Variants in PLD5 observed in about 807,000 individuals in gnomAD.
The protein encoded by PLD5 is phospholipase D family member 5.
In PLD5, 36 loss-of-function variants were observed where a neutral mutation model predicts 61.1. The ratio of observed to expected loss-of-function variants is 0.59; its 90% CI spans 0.45 to 0.78. The LOEUF is 0.78. Among genes scored for constraint, PLD5 ranks in the 30% least tolerant of loss-of-function variants. The pLI is 0.00. For missense variants in PLD5, 515 were observed against 644.4 expected (o/e 0.80, Z 2.17); for synonymous variants, 243 against 242.8 (o/e 1.00, Z -0.01).
chr1:242,172,473 GA>G (rs1182425586), intron 5 of PLD5, among the ~76,000 whole-genome samples: 3 of 152,144 alleles, frequency 2.0e-5, no homozygotes, highest in East Asian at 3.9e-4. Flanking sequence ...AAGAACTAGA[GA>G]AGCAAGAGCA....
intron 3 of PLD5, among the ~76,000 whole-genome samples, chr1:242,278,796 G>A (rs1674555034): frequency 6.6e-6 from 1 of 152,148 alleles, no homozygotes; most frequent in African/African-American, 2.4e-5. Flanking sequence ...GTTCAATAAA[G>A]GCACATTTAA....
At chr1:242,466,276 T>A (rs964375592) in intron 1 of PLD5, among the ~76,000 whole-genome samples, 2 of 152,154 alleles carry the variant, frequency 1.3e-5, no homozygotes, top group African/African-American at 4.8e-5. Context: ...ATCCTAGGTG[T>A]GTAGCGCTGG....
chr1:242,369,130 G>A (rs763522837), intron 1 of PLD5, among the ~76,000 whole-genome samples: 2 of 152,146 alleles, frequency 1.3e-5, no homozygotes, highest in Non-Finnish European at 2.9e-5. Flanking sequence ...GAGAATGTAG[G>A]ACTGTCAATA....
intron 1 of PLD5, among the ~76,000 whole-genome samples, chr1:242,384,222 A>G (rs1662466319): frequency 6.6e-6 from 1 of 152,210 alleles, no homozygotes; most frequent in South Asian, 2.1e-4. Context: ...AGTTAGAAGA[A>G]AACGCACCAT....
At chr1:242,120,098 A>G (rs186654312) in intron 6 of PLD5, among the ~76,000 whole-genome samples, 1 of 152,286 alleles carries the variant, frequency 6.6e-6, no homozygotes, top group African/African-American at 2.4e-5. Context: ...ATATGATTCC[A>G]TTTATATAAA....
rs77799861 is a variant in PLD5 at position 242,427,378 on chromosome 1, A to T, written c.190-79136T>A. ...CCTTGGTGCATTTCTTTATATTTTC[A>T]TCAGGAGTTGCATCATGTCTTCCAA... On this transcript the variant is annotated intron_variant, in intron 1 of 9. Coordinates refer to ENST00000536534, the MANE Select transcript of PLD5 (RefSeq NM_001372062.1). 1.8e-3 allele frequency among the ~76,000 whole-genome samples: 267 copies of T among 152,328 alleles called. 4 individuals are homozygous for T. The highest frequency in any genetic ancestry group is 6.0e-3 in the African/African-American group (248 of 41,578).
At chr1:242,331,961 C>T (rs921842357) in intron 2 of PLD5, among the ~76,000 whole-genome samples, 15 of 152,100 alleles carry the variant, frequency 9.9e-5, no homozygotes, top group East Asian at 5.8e-4. Context: ...TAGGTATACA[C>T]GTGCCATGGT....
rs760675048 is a variant in PLD5, at chr1:242,288,521, C to T, written c.336G>A (p.Leu112=). The T allele has an allele frequency of 6.3e-7, 1 of 1,585,120 alleles. No individual in the cohort carries two copies. The highest frequency in any genetic ancestry group is 8.5e-7 in the Non-Finnish European group (1 of 1,170,494). Residue 112 remains leucine (L), a synonymous_variant, in exon 3 of 10, where the codon CTG becomes CTA. Coordinates refer to ENST00000536534, the MANE Select transcript of PLD5 (RefSeq NM_001372062.1). The stretch of plus-strand genomic sequence containing the variant: ...TAAGGCCTTCAGGAATATTTTCCAC[C>T]AGGGCAATTCTTAGAAAAGATTTTG... ...KNCQNKCRIA[L]VENIPEGLNY...
chr1:242,190,864 C>T (rs74930350), intron 5 of PLD5, among the ~76,000 whole-genome samples: 3,803 of 152,164 alleles, frequency 0.025, 176 homozygotes, highest in African/African-American at 0.087. Context: ...GACAATCATG[C>T]ACTGCTGGAT....
At chr1:242,177,858 A>G (rs1667266668) in intron 5 of PLD5, 1 of 152,184 alleles carries the variant, frequency 6.6e-6, no homozygotes, top group Non-Finnish European at 1.5e-5. Context: ...ATCGCCTTCC[A>G]CAAGGTCTAC....
intron 5 of PLD5, among the ~76,000 whole-genome samples, chr1:242,161,399 AT>A (rs2148845708): frequency 6.6e-6 from 1 of 152,198 alleles, no homozygotes; most frequent in Admixed American, 6.5e-5. Flanking sequence ...ACAATATGAG[AT>A]TTGGGTGGGG....
At chr1:242,094,291 C>T (rs560742208) in intron 9 of PLD5, among the ~76,000 whole-genome samples, 13 of 152,190 alleles carry the variant, frequency 8.5e-5, no homozygotes, top group African/African-American at 1.7e-4. Flanking sequence ...TCCATCCACC[C>T]GCTACCCCCT....
intron 4 of PLD5, among the ~76,000 whole-genome samples, chr1:242,233,202 T>A (rs943257454): frequency 6.6e-6 from 1 of 151,514 alleles, no homozygotes; most frequent in Non-Finnish European, 1.5e-5. Context: ...AATAAAAGGC[T>A]TATTCATGTT....
intron 5 of PLD5, among the ~76,000 whole-genome samples, chr1:242,207,381 G>A (rs1325406834): frequency 2.6e-5 from 4 of 151,948 alleles, no homozygotes; most frequent in African/African-American, 2.4e-5. Context: ...ACAGGTCTTC[G>A]GTAGTTCCCC....
chr1:242,257,690 A>C (rs2149093001), intron 4 of PLD5, among the ~76,000 whole-genome samples: 1 of 152,376 alleles, frequency 6.6e-6, no homozygotes, highest in South Asian at 2.1e-4. Flanking sequence ...CAATGTACCC[A>C]TCCCACAATG....
intron 5 of PLD5, among the ~76,000 whole-genome samples, chr1:242,127,707 T>C (rs1380211202): frequency 1.3e-5 from 2 of 152,146 alleles, no homozygotes; most frequent in Non-Finnish European, 2.9e-5. Flanking sequence ...TTGGGTTCAA[T>C]GTACACTGCT....
chr1:242,236,622 G>A (rs1162452372), intron 4 of PLD5, among the ~76,000 whole-genome samples: 1 of 152,100 alleles, frequency 6.6e-6, no homozygotes, highest in Non-Finnish European at 1.5e-5. Context: ...TTTAAAGGGA[G>A]GTTTGCACCA....
chr1:242,336,925 C>T (rs1324696100), intron 2 of PLD5, among the ~76,000 whole-genome samples: 1 of 152,224 alleles, frequency 6.6e-6, no homozygotes, highest in East Asian at 1.9e-4. Context: ...ACAAGTTACA[C>T]ACTATCATCC....
intron 2 of PLD5, among the ~76,000 whole-genome samples, chr1:242,293,924 C>T (rs956064039): frequency 3.3e-5 from 5 of 152,112 alleles, no homozygotes; most frequent in Non-Finnish European, 7.4e-5. Context: ...AGTTTTATTT[C>T]TTTTAAAAAC....
Sources: gnomAD v4.1 joint callset for allele counts (sites outside exome capture counted in the v4.1 genomes callset) on GRCh38, gnomAD v4.1.1 for gene constraint, MANE v1.5 for transcripts, NCBI Gene and HGNC (gene_info 2026-07-23, HGNC 2026-07-21) for gene names.